The following AGMO variants were observed in gnomAD, a reference collection of about 807,000 sequenced individuals.
The protein encoded by AGMO is alkylglycerol monooxygenase, also known as glyceryl-ether monooxygenase.
A neutral mutation model predicts 60.2 loss-of-function variants in AGMO; 75 were observed. That is an observed-to-expected ratio of 1.25 (90% CI 1.03 to 1.51). The LOEUF (loss-of-function observed/expected upper bound fraction) is 1.51, where lower values mean the gene tolerates loss of function less well. AGMO is among the 40% of genes most tolerant of loss of function. The pLI, the probability that AGMO is intolerant of heterozygous loss-of-function variation, is 0.00. For synonymous variants in AGMO, 261 were observed against 177.1 expected, an observed-to-expected ratio of 1.47 and a Z score of -3.76; for missense variants, 763 against 525.5, an observed-to-expected ratio of 1.45 and a Z score of -4.42.
intron 12 of AGMO, among the ~76,000 whole-genome samples, chr7:15,294,886 TG>T (rs1784369430): frequency 6.6e-6 from 1 of 151,874 alleles, no homozygotes; most frequent in Non-Finnish European, 1.5e-5. Context: ...TATCGAAAAG[TG>T]ATACTTTAAC....
the AGMO span, among the ~76,000 whole-genome samples, chr7:15,124,423 G>A: frequency 2.0e-4 from 30 of 152,062 alleles, no homozygotes; most frequent in African/African-American, 7.2e-4. Flanking sequence ...TCTATGTTGT[G>A]TTGTTTTGGC....
the AGMO span, among the ~76,000 whole-genome samples, chr7:15,131,538 G>A: frequency 6.6e-6 from 1 of 152,072 alleles, no homozygotes; most frequent in Non-Finnish European, 1.5e-5. Flanking sequence ...GGCACAAGTT[G>A]TGGATGAAGA....
At chr7:15,255,029 TA>T (rs202068643) in intron 12 of AGMO, among the ~76,000 whole-genome samples, 17,276 of 151,958 alleles carry the variant, frequency 0.11, 1,034 homozygotes, top group East Asian at 0.19. Flanking sequence ...TATGCAGCCA[TA>T]AAAAAAGATG....
At chr7:15,198,253 GAGACAGAGACAGAGAGAGAGTGTGTT>G (rs1781184375), downstream of AGMO, among the ~76,000 whole-genome samples, 1 of 63,422 alleles carries the variant, frequency 1.6e-5, no homozygotes, top group Non-Finnish European at 2.8e-5. Flanking sequence ...GAGAGAGAGA[GAGACAGAGACAGAGAGAGAGTGTGTT>G]AAAGTCCTTC....
At chr7:15,181,650 A>G in the AGMO span, among the ~76,000 whole-genome samples, 1 of 152,170 alleles carries the variant, frequency 6.6e-6, no homozygotes. Flanking sequence ...GAAGCCCTCC[A>G]TTATTCCTTC....
At chr7:15,447,593 C>G (rs555910541) in intron 3 of AGMO, among the ~76,000 whole-genome samples, 1 of 152,182 alleles carries the variant, frequency 6.6e-6, no homozygotes, top group African/African-American at 2.4e-5. Flanking sequence ...CTCTGTCACC[C>G]AGGCTAGAGT....
chr7:15,262,866 C>G (rs1783314643), intron 12 of AGMO, among the ~76,000 whole-genome samples: 1 of 151,966 alleles, frequency 6.6e-6, no homozygotes, highest in Admixed American at 6.6e-5. Context: ...TCTGGGATAC[C>G]TGGCAAGCCA....
At chr7:15,354,421 TACAC>T (rs59936302) in intron 12 of AGMO, among the ~76,000 whole-genome samples, 5,189 of 14,110 alleles carry the variant, frequency 0.37, 721 homozygotes, top group South Asian at 0.41. Context: ...CGTGTGTGTA[TACAC>T]ACACGTGTGT....
chr7:15,182,104 A>G, the AGMO span, among the ~76,000 whole-genome samples: 17 of 152,360 alleles, frequency 1.1e-4, no homozygotes, highest in Middle Eastern at 3.4e-3. Flanking sequence ...AGTCAAAAAA[A>G]GGAAAAATAT....
intron 3 of AGMO, among the ~76,000 whole-genome samples, chr7:15,486,722 A>C (rs1782931454): frequency 6.6e-6 from 1 of 152,148 alleles, no homozygotes; most frequent in Admixed American, 6.5e-5. Flanking sequence ...TAGATTTCTA[A>C]GAATATACTT....
chr7:15,163,577 C>A, the AGMO span, among the ~76,000 whole-genome samples: 1 of 151,932 alleles, frequency 6.6e-6, no homozygotes, highest in East Asian at 1.9e-4. Context: ...ATTGAAATGA[C>A]CTATGGTTTT....
chr7:15,221,186 G>T (rs1185180941), intron 12 of AGMO, among the ~76,000 whole-genome samples: 1 of 152,106 alleles, frequency 6.6e-6, no homozygotes, highest in African/African-American at 2.4e-5. Flanking sequence ...TTACCTTCTG[G>T]ATATTGAGGA....
chr7:15,288,094 G>A (rs1784150963), intron 12 of AGMO, among the ~76,000 whole-genome samples: 1 of 151,760 alleles, frequency 6.6e-6, no homozygotes, highest in Non-Finnish European at 1.5e-5. Context: ...CACAGTCTCG[G>A]CTCGCCGCAA....
At chr7:15,380,437 G>C (rs1444892919) in intron 10 of AGMO, among the ~76,000 whole-genome samples, 6 of 152,076 alleles carry the variant, frequency 3.9e-5, no homozygotes, top group African/African-American at 7.2e-5. Flanking sequence ...AAAATACCTA[G>C]TGATACAGAT....
At chr7:15,366,106 A>G (rs1782966163) in intron 11 of AGMO, 34 bp downstream of exon 11, 2 of 1,523,904 alleles carry the variant, frequency 1.3e-6, no homozygotes, top group Non-Finnish European at 9.0e-7. Context: ...GAATTGAGTA[A>G]AAGTAAAAAC....
the AGMO span, among the ~76,000 whole-genome samples, chr7:15,190,787 G>A: frequency 2.0e-5 from 3 of 151,872 alleles, no homozygotes; most frequent in African/African-American, 7.2e-5. Flanking sequence ...AACTGATACA[G>A]GAAAGTCAGA....
chr7:15,217,651 T>C (rs1781781445), intron 12 of AGMO, among the ~76,000 whole-genome samples: 2 of 152,038 alleles, frequency 1.3e-5, no homozygotes, highest in East Asian at 1.9e-4. Context: ...TCCAATGAAC[T>C]GGCAAATAAA....
At chr7:15,204,462 T>C (rs1781389226) in intron 12 of AGMO, among the ~76,000 whole-genome samples, 1 of 152,206 alleles carries the variant, frequency 6.6e-6, no homozygotes, top group Admixed American at 6.5e-5. Flanking sequence ...TGTAGACTTC[T>C]TATTTTGCAA....
chr7:15,118,449 T>C, the AGMO span, among the ~76,000 whole-genome samples: 3 of 152,116 alleles, frequency 2.0e-5, no homozygotes, highest in Non-Finnish European at 2.9e-5. Flanking sequence ...GTTGTCACTA[T>C]TGATTATAGA....
Sources: gnomAD v4.1 joint callset for allele counts (sites outside exome capture counted in the v4.1 genomes callset) on GRCh38, gnomAD v4.1.1 for gene constraint, MANE v1.5 for transcripts, NCBI Gene and HGNC (gene_info 2026-07-23, HGNC 2026-07-21) for gene names.